IPO8: variants seen among roughly 807,000 people sequenced by gnomAD.
IPO8 encodes importin 8.
In IPO8, 65 loss-of-function variants were observed where a neutral mutation model predicts 141.2. The ratio of observed to expected loss-of-function variants is 0.46; its 90% confidence interval spans 0.38 to 0.57. The LOEUF is 0.57. Among genes scored for constraint, IPO8 ranks in the 20% least tolerant of loss-of-function variants. The pLI is 0.00. For missense variants in IPO8, 980 were observed against 1,246.8 expected, an observed-to-expected ratio of 0.79 and a Z score of 3.22; for synonymous variants, 411 against 420.3, an observed-to-expected ratio of 0.98 and a Z score of 0.27.
Position 30,639,663 on chromosome 12 carries a change from T to G in IPO8, c.2341A>C (p.Met781Leu). Residue 781 changes from methionine (M) to leucine (L), a missense_variant, in exon 21 of 25, where the codon ATG becomes CTG. Transcript: ENST00000256079. The part of the protein sequence containing the change: ...RGVKTSELRT[M>L]CLQVAIAALY... ...GCAGCAATTGCAACCTGAAGACACA[T>G]AGTACGAAGCTCACTAGTTTTGACC... is the stretch of plus-strand genomic sequence containing the variant. 1 of 1,614,096 alleles carries G rather than the reference T, an allele frequency of 6.2e-7. No homozygotes were observed. The highest frequency in any genetic ancestry group is 8.5e-7 in the Non-Finnish European group (1 of 1,180,004).
chr12:30,651,952 A>G (rs2052732802), intron 19 of IPO8, among the ~76,000 whole-genome samples: 1 of 152,118 alleles, frequency 6.6e-6, no homozygotes, highest in Non-Finnish European at 1.5e-5. Flanking sequence ...ATTCATGTCC[A>G]AAAGAAAAAA....
chr12:30,657,261 A>G (rs544127278), intron 16 of IPO8, among the ~76,000 whole-genome samples: 1 of 152,340 alleles, frequency 6.6e-6, no homozygotes, highest in South Asian at 2.1e-4. Flanking sequence ...ATTGAAATAC[A>G]ATAGAAAACA....
At chr12:30,663,676 GTAGGGAGCTAT>G (rs769204839) in intron 13 of IPO8, 22 bp from the exon 14 acceptor site, 1 of 1,570,044 alleles carries the variant, frequency 6.4e-7, no homozygotes, top group South Asian at 1.2e-5. Flanking sequence ...AAAAAGGTAA[GTAGGGAGCTAT>G]TAGGATTATA....
chr12:30,667,612 TAA>T (rs1420039668), intron 10 of IPO8, among the ~76,000 whole-genome samples: 2 of 152,136 alleles, frequency 1.3e-5, no homozygotes, highest in African/African-American at 4.8e-5. Flanking sequence ...ACATATCAAA[TAA>T]AAGCCACTGC....
At chr12:30,677,948 A>T (rs1355436283) in intron 5 of IPO8, among the ~76,000 whole-genome samples, 3 of 151,794 alleles carry the variant, frequency 2.0e-5, no homozygotes, top group African/African-American at 7.3e-5. Flanking sequence ...CAGCCTGGCC[A>T]AAACAGTGAA....
At chr12:30,691,892 A>G (rs2053294166) in intron 1 of IPO8, among the ~76,000 whole-genome samples, 1 of 152,238 alleles carries the variant, frequency 6.6e-6, no homozygotes. Flanking sequence ...ATTTTGAATT[A>G]TAATTTTCTT....
At chr12:30,668,210 C>T (rs2136155909) in intron 10 of IPO8, among the ~76,000 whole-genome samples, 1 of 152,312 alleles carries the variant, frequency 6.6e-6, no homozygotes, top group East Asian at 1.9e-4. Context: ...ATAAATGTTT[C>T]TCATTGATTT....
chr12:30,674,397 G>A lies in IPO8; in HGVS notation c.824+262C>T, dbSNP rs559780367. Among the ~76,000 whole-genome samples the A allele has an allele frequency of 3.9e-5, 6 of 152,270 alleles. No individual in the cohort carries two copies. The South Asian group carries it at 1.2e-3, about 32-fold the overall frequency. ...AAATTAAATTTGACATTATTACGGAGTTGAGTGACCATGCAACTTCTTGCA... is the reference window on the plus strand; with the variant it reads ...AAATTAAATTTGACATTATTACGGAATTGAGTGACCATGCAACTTCTTGCA... On this transcript the variant is annotated intron_variant, in intron 7 of 24. Transcript: ENST00000256079.
At chr12:30,677,639 A>G (rs2053139525) in intron 5 of IPO8, among the ~76,000 whole-genome samples, 1 of 152,258 alleles carries the variant, frequency 6.6e-6, no homozygotes, top group Admixed American at 6.5e-5. Context: ...AGTGGAAGAC[A>G]GTGATATTGA....
At chr12:30,673,602 T>A (rs1175300116) in intron 8 of IPO8, among the ~76,000 whole-genome samples, 2 of 152,154 alleles carry the variant, frequency 1.3e-5, no homozygotes, top group South Asian at 2.1e-4. Flanking sequence ...ACAGACCAAT[T>A]CATATTATAT....
In IPO8 at chr12:30,695,659, G is replaced by A. The variant is rs748766915; in HGVS notation, c.-12C>T. ...CGGTTGAGGTCCATCTCCCCGGGTG[G>A]GGGCTCCGCGGCCCCCGGAACAGTA... On this transcript the variant is annotated 5_prime_UTR_variant, in exon 1 of 25. Transcript: ENST00000256079. The surrounding 1 kb of genome is among the most constrained non-coding windows in gnomAD (Gnocchi z 4.2). 6.2e-7 allele frequency: 1 copy of A among 1,612,406 alleles called. No individual in the cohort carries two copies. The highest frequency in any genetic ancestry group is 2.2e-5 in the East Asian group (1 of 44,788).
chr12:30,681,706 G>A lies in IPO8; in HGVS notation c.435C>T (p.Ser145=). Residue 145 remains serine, a synonymous_variant, in exon 4 of 25, where the codon AGC becomes AGT. Transcript: ENST00000256079. ...DYYLQSQSSA[S]WLGSLLCLYQ... ...ACAGGCATAATAAACTGCCAAGCCA[G>A]CTTGCACTGCTCTGTGATTGCAAGT... 1 of 1,613,814 alleles carries A rather than the reference G, an allele frequency of 6.2e-7. No homozygotes were observed. The highest frequency in any genetic ancestry group is 8.5e-7 in the Non-Finnish European group (1 of 1,179,734).
In IPO8 at chr12:30,695,592, C is replaced by T. The variant is rs959687621; in HGVS notation, c.56G>A (p.Arg19Gln). 6.2e-7 allele frequency: 1 copy of T among 1,614,076 alleles called. No individual in the cohort carries two copies. The highest frequency in any genetic ancestry group is 8.5e-7 in the Non-Finnish European group (1 of 1,179,944). The change falls in exon 1 of 25, where the codon CGG becomes CAG. Residue 19 changes from arginine (R) to glutamine (Q), a missense_variant. Arg to Gln is a conservative substitution (Grantham distance 43). Coordinates refer to ENST00000256079, the MANE Select transcript of IPO8 (RefSeq NM_006390.4). The surrounding 1 kb of genome is among the most constrained non-coding windows in gnomAD (Gnocchi z 4.2). The part of the protein sequence containing the change: ...ALKGTIDPKL[R>Q]IAAENELNQS... ...GTTGAGCTCGTTCTCGGCTGCAATC[C>T]GCAACTTCGGGTCGATGGTGCCCTT...
intron 11 of IPO8, 59 bp from the exon 12 acceptor site, chr12:30,665,904 T>C: frequency 9.2e-7 from 1 of 1,086,552 alleles, no homozygotes; most frequent in Non-Finnish European, 1.4e-6. Context: ...TACTATAGTA[T>C]TAACTATGAT....
intron 20 of IPO8, among the ~76,000 whole-genome samples, chr12:30,647,502 C>T (rs916784372): frequency 2.0e-5 from 3 of 149,138 alleles, no homozygotes; most frequent in Non-Finnish European, 4.4e-5. Context: ...GCAGTCCCAG[C>T]TACTCAGGAG....
chr12:30,653,008 A>G lies in IPO8; in HGVS notation c.2033T>C (p.Leu678Pro). ...GCAATCCTGCTGAAACACTTCATAT[A>G]GTATACCTAGAAGCTGCCACATTTG... ...SPQMWQLLGI[L>P]YEVFQQDCFE... Residue 678 changes from leucine to proline, a missense_variant, in exon 18 of 25, where the codon CTA becomes CCA. Coordinates refer to ENST00000256079, the MANE Select transcript of IPO8 (RefSeq NM_006390.4). 2 of 1,611,980 alleles carry G rather than the reference A, an allele frequency of 1.2e-6. No individual in the cohort carries two copies. Among genetic ancestry groups the G allele is most frequent in the Non-Finnish European group, 1.7e-6 (2 of 1,178,776 alleles).
chr12:30,690,560 A>G lies in IPO8; in HGVS notation c.102T>C (p.Asn34=), dbSNP rs776712750. The G allele has an allele frequency of 6.3e-7, 1 of 1,585,106 alleles. No homozygotes were observed. Among genetic ancestry groups the G allele is most frequent in the Non-Finnish European group, 8.6e-7 (1 of 1,163,526 alleles). The change falls in exon 2 of 25, where the codon AAT becomes AAC. Residue 34 remains asparagine, a synonymous_variant. Coordinates refer to ENST00000256079, the MANE Select transcript of IPO8 (RefSeq NM_006390.4). Reference sequence around the variant, plus strand: ...TAATCCGAAGTAAACTGGGGGCAAAATTGATAATCTTGTAGGACTGAAATT... The same window carrying G: ...TAATCCGAAGTAAACTGGGGGCAAAGTTGATAATCTTGTAGGACTGAAATT... ...NELNQSYKII[N]FAPSLLRIIV... is the part of the protein sequence containing the mutation.
intron 1 of IPO8, 50 bp from the exon 2 acceptor site, chr12:30,690,627 G>C: frequency 1.0e-6 from 1 of 979,192 alleles, no homozygotes; most frequent in East Asian, 2.6e-5. Context: ...TAAGTGAGTA[G>C]CTTATAAGTT....
chr12:30,674,117 C>A, intron 7 of IPO8, 43 bp from the exon 8 acceptor site: 1 of 1,205,282 alleles, frequency 8.3e-7, no homozygotes, highest in Non-Finnish European at 1.2e-6. Flanking sequence ...GTGAATTTTA[C>A]AAACAGCATG....
Sources: allele counts gnomAD v4.1 joint callset (sites outside exome capture counted in the v4.1 genomes callset), GRCh38; gene constraint gnomAD v4.1.1; non-coding constraint Gnocchi (gnomAD v3.1); transcripts MANE v1.5; gene names NCBI Gene and HGNC (gene_info 2026-07-23, HGNC 2026-07-21).